The following PPM1B variants were observed in gnomAD, a reference collection of about 807,000 sequenced individuals.
The protein encoded by PPM1B is protein phosphatase 1B.
Under a neutral mutation model 43.0 loss-of-function variants are expected in PPM1B, and 22 were observed. The observed-to-expected ratio is 0.51, with a 90% CI of 0.37 to 0.73. The LOEUF (loss-of-function observed/expected upper bound fraction) is 0.73, where lower values mean the gene tolerates loss of function less well. Ranked by LOEUF, PPM1B falls within the 30% of genes least tolerant of loss-of-function variation. The pLI is 0.00. For missense variants in PPM1B, 632 were observed against 584.2 expected (o/e 1.08, Z -0.84); for synonymous variants, 217 against 197.9 (o/e 1.10, Z -0.81).
chr2:44,193,331 C>T (rs1179853933), intron 1 of PPM1B, among the ~76,000 whole-genome samples: 1 of 152,064 alleles, frequency 6.6e-6, no homozygotes, highest in Non-Finnish European at 1.5e-5. Flanking sequence ...CATTTTTTCA[C>T]ATATCTATTG....
chr2:44,197,017 T>A (rs1209630911), intron 1 of PPM1B, among the ~76,000 whole-genome samples: 1 of 152,222 alleles, frequency 6.6e-6, no homozygotes, highest in Non-Finnish European at 1.5e-5. Flanking sequence ...TTTCATTTTT[T>A]AAATAAACTT....
intron 5 of PPM1B, among the ~76,000 whole-genome samples, chr2:44,225,831 A>T (rs973260156): frequency 4.7e-5 from 7 of 149,514 alleles, no homozygotes; most frequent in Admixed American, 4.7e-4. Context: ...TAATTTTTCT[A>T]TTTTTAGTTG....
chr2:44,238,099 C>G (rs965575687), downstream of PPM1B, among the ~76,000 whole-genome samples: 1 of 151,942 alleles, frequency 6.6e-6, no homozygotes, highest in Non-Finnish European at 1.5e-5. Flanking sequence ...GATGGAGTTT[C>G]ACCATGTTGG....
intron 1 of PPM1B, among the ~76,000 whole-genome samples, chr2:44,173,460 A>G (rs1424454552): frequency 1.3e-5 from 2 of 152,054 alleles, no homozygotes; most frequent in African/African-American, 4.8e-5. Flanking sequence ...TTTCCTTCAA[A>G]TTACAGGGTG....
At chr2:44,218,987 T>C (rs1669852177) in intron 5 of PPM1B, 2 of 400,962 alleles carry the variant, frequency 5.0e-6, no homozygotes, top group South Asian at 3.6e-5. Flanking sequence ...TACCCGAGGA[T>C]AGTTTTTTTC....
At chr2:44,183,802 G>A (rs940556600) in intron 1 of PPM1B, among the ~76,000 whole-genome samples, 14 of 151,994 alleles carry the variant, frequency 9.2e-5, no homozygotes, top group East Asian at 3.9e-4. Context: ...GCAGTGGCGC[G>A]ATCTCGGCTC....
intron 3 of PPM1B, among the ~76,000 whole-genome samples, chr2:44,211,579 G>A (rs772532644): frequency 3.0e-5 from 3 of 101,412 alleles, no homozygotes; most frequent in Non-Finnish European, 7.1e-5. Flanking sequence ...TACCTAATAA[G>A]TATTTAATAA....
intron 5 of PPM1B, among the ~76,000 whole-genome samples, chr2:44,240,203 T>C (rs1045147174): frequency 1.4e-5 from 2 of 145,990 alleles, no homozygotes; most frequent in Non-Finnish European, 3.1e-5. Flanking sequence ...AAAATGCAAC[T>C]AATAATCCAC....
intron 1 of PPM1B, among the ~76,000 whole-genome samples, chr2:44,193,061 A>G (rs1668481175): frequency 6.6e-6 from 1 of 152,172 alleles, no homozygotes. Flanking sequence ...CACATACTGA[A>G]TTCAGTTCCT....
At chr2:44,208,752 G>A (rs2104171090) in intron 2 of PPM1B, among the ~76,000 whole-genome samples, 1 of 152,220 alleles carries the variant, frequency 6.6e-6, no homozygotes, top group Non-Finnish European at 1.5e-5. Flanking sequence ...TAGTATTTTG[G>A]GTATTCTGCC....
intron 2 of PPM1B, among the ~76,000 whole-genome samples, chr2:44,204,970 TA>T (rs1487671856): frequency 6.6e-6 from 1 of 151,718 alleles, no homozygotes; most frequent in Non-Finnish European, 1.5e-5. Flanking sequence ...TTAAATTAGG[TA>T]TTTAACTCGA....
intron 5 of PPM1B, among the ~76,000 whole-genome samples, chr2:44,219,943 CAAA>C (rs200841724): frequency 1.0e-5 from 1 of 96,038 alleles, no homozygotes; most frequent in Admixed American, 1.1e-4. Flanking sequence ...AACTCCGTCT[CAAA>C]AAAAAAAAAA....
At chr2:44,204,037 A>G (rs936314620) in intron 2 of PPM1B, among the ~76,000 whole-genome samples, 1 of 152,226 alleles carries the variant, frequency 6.6e-6, no homozygotes, top group Admixed American at 6.5e-5. Context: ...GAGGAATGAT[A>G]ATAACAGACA....
downstream of PPM1B, chr2:44,231,541 C>T: frequency 1.3e-6 from 1 of 747,482 alleles, no homozygotes; most frequent in African/African-American, 1.9e-5. Context: ...GAAGAATACC[C>T]ATTAGAAATT....
chr2:44,172,704 G>A (rs370319333), intron 1 of PPM1B, among the ~76,000 whole-genome samples: 1 of 152,126 alleles, frequency 6.6e-6, no homozygotes, highest in Non-Finnish European at 1.5e-5. Flanking sequence ...CAGATGGATT[G>A]TTTGAGACCA....
chr2:44,189,275 C>A (rs532518093), intron 1 of PPM1B, among the ~76,000 whole-genome samples: 2 of 152,242 alleles, frequency 1.3e-5, no homozygotes, highest in African/African-American at 2.4e-5. Flanking sequence ...AAAGACAGAA[C>A]ACTTCTGCTT....
At chr2:44,238,286 A>G (rs1670671155), downstream of PPM1B, among the ~76,000 whole-genome samples, 2 of 152,212 alleles carry the variant, frequency 1.3e-5, no homozygotes, top group Non-Finnish European at 2.9e-5. Flanking sequence ...GATTTTGCCT[A>G]TGAATAATAA....
chr2:44,183,830 C>G (rs568982088), intron 1 of PPM1B, among the ~76,000 whole-genome samples: 40 of 152,254 alleles, frequency 2.6e-4, no homozygotes, highest in African/African-American at 9.4e-4. Context: ...GCTCCGCCTT[C>G]CGGGTTCACA....
In PPM1B at chr2:44,241,008, T is replaced by TTA. The variant is rs1670732760; in HGVS notation, n.1547-3219_1547-3218insAT. ...AATTGGGAAGCATCTTTATTTTTAT[T>TTA]TTTTTTTTTTTTGAGACGGAGTTTC... On this transcript the variant is annotated intron_variant and non_coding_transcript_variant, in intron 5 of 5. Coordinates refer to the PPM1B transcript ENST00000378540. Among the ~76,000 whole-genome samples, 2 of 75,126 alleles carry TTA rather than the reference T, an allele frequency of 2.7e-5. 1 individual carries two copies. The highest frequency in any genetic ancestry group is 4.5e-5 in the Non-Finnish European group (2 of 44,722). The allele number at this position is 75,126 out of a possible 152,430, so 49.3% of individuals were successfully genotyped here. A position where few individuals can be genotyped will look rare whatever the true frequency, so the allele number is the denominator to read the frequency against.
Sources: allele counts gnomAD v4.1 joint callset (sites outside exome capture counted in the v4.1 genomes callset), GRCh38; gene constraint gnomAD v4.1.1; transcripts MANE v1.5; gene names NCBI Gene and HGNC (gene_info 2026-07-23, HGNC 2026-07-21).